WDR17: variants seen among roughly 807,000 people sequenced by gnomAD.
WDR17 encodes WD repeat domain 17.
A neutral mutation model predicts 161.7 loss-of-function variants in WDR17; 143 were observed. That is an observed-to-expected ratio of 0.88 (90% confidence interval 0.77 to 1.02). The LOEUF (loss-of-function observed/expected upper bound fraction) is 1.02, where lower values mean the gene tolerates loss of function less well. Among genes scored for constraint, WDR17 ranks in the 50% least tolerant of loss-of-function variants. The pLI is 0.00. For synonymous variants in WDR17, 517 were observed against 515.6 expected (o/e 1.00, Z -0.04); for missense variants, 1,469 against 1,520.9 (o/e 0.97, Z 0.57).
intron 16 of WDR17, 34 bp from the exon 17 acceptor site, chr4:176,151,778 A>AC: frequency 6.5e-7 from 1 of 1,533,618 alleles, no homozygotes; most frequent in Non-Finnish European, 8.7e-7. Flanking sequence ...AATATGTCAA[A>AC]TTTTTTTAAA....
intron 8 of WDR17, among the ~76,000 whole-genome samples, chr4:176,136,002 T>G (rs1393698186): frequency 6.6e-6 from 1 of 151,642 alleles, no homozygotes; most frequent in Non-Finnish European, 1.5e-5. Flanking sequence ...ACTTTGAATA[T>G]TTGGGCCTCC....
chr4:176,142,737 A>G (rs992843336), intron 11 of WDR17, among the ~76,000 whole-genome samples: 1 of 152,216 alleles, frequency 6.6e-6, no homozygotes, highest in African/African-American at 2.4e-5. Flanking sequence ...GAATTATGTT[A>G]TTTTGTATGA....
At chr4:176,167,666 A>AAAAAAAAAC in intron 22 of WDR17, among the ~76,000 whole-genome samples, 1 of 139,960 alleles carries the variant, frequency 7.1e-6, no homozygotes, top group African/African-American at 2.6e-5. Context: ...AAAAAAAAAA[A>AAAAAAAAAC]AAAAAACAAT....
At position 176,179,614 on chromosome 4, in the gene WDR17, T is replaced by TA. The variant is rs1435134717; in HGVS notation, c.*38dup. 1.3e-6 allele frequency: 2 copies of TA among 1,501,896 alleles called. No individual in the cohort carries two copies. The highest frequency in any genetic ancestry group is 2.4e-5 in the East Asian group (1 of 41,180). The allele number at this position is 1,501,896 out of a possible 1,614,324, so 93.0% of individuals were successfully genotyped here. On this transcript the variant is annotated 3_prime_UTR_variant, in exon 29 of 29. Transcript: ENST00000508596. ...TTTGTCCATGCTTGATTTTTTTTTT[T>TA]AAAGAAAAACTTTCATGGGTTAGCA... is the stretch of plus-strand genomic sequence containing the variant.
chr4:176,146,973 TCTC>T (rs1359907155), intron 12 of WDR17, among the ~76,000 whole-genome samples: 3 of 152,174 alleles, frequency 2.0e-5, no homozygotes, highest in South Asian at 4.2e-4. Flanking sequence ...TTCAAGCTAT[TCTC>T]CTGCTTCAGC....
In WDR17 at chr4:176,150,504, G is replaced by A. The variant is rs765661325; in HGVS notation, c.2215G>A (p.Ala739Thr). ...GGSDNLWNLV[A>T]VIKGQDDSLL... ...CAGTGACAATTTATGGAACTTGGTT[G>A]CTGTGATAAAAGGACAGGATGATAG... Residue 739 changes from alanine to threonine, a missense_variant, in exon 16 of 29, where the codon GCT becomes ACT. Ala to Thr is a moderately conservative substitution (Grantham distance 58, BLOSUM62 0). Transcript: ENST00000508596. The A allele has an allele frequency of 1.2e-6, 2 of 1,611,560 alleles. No individual in the cohort carries two copies. Among genetic ancestry groups the A allele is most frequent in the South Asian group, 2.2e-5 (2 of 90,196 alleles).
intron 11 of WDR17, among the ~76,000 whole-genome samples, chr4:176,143,369 T>C (rs1301027551): frequency 6.6e-6 from 1 of 152,114 alleles, no homozygotes; most frequent in African/African-American, 2.4e-5. Flanking sequence ...TTTCTCTGTC[T>C]AAATATTCAT....
chr4:176,156,149 G>A lies in WDR17; in HGVS notation c.2525+6G>A. 1 of 1,612,438 alleles carries A rather than the reference G, an allele frequency of 6.2e-7. No individual in the cohort carries two copies. The highest frequency in any genetic ancestry group is 8.5e-7 in the Non-Finnish European group (1 of 1,179,222). The stretch of plus-strand genomic sequence containing the variant: ...TGGAAGAAGTTAATGCAGAGGTAAG[G>A]CAGAGAGAGTCCGTGTTAAAACAGA... On this transcript the variant is annotated splice_donor_region_variant and intron_variant, in intron 18 of 28. Transcript: ENST00000508596.
At chr4:176,155,738 T>TATA (rs1554033773) in intron 17 of WDR17, among the ~76,000 whole-genome samples, 1 of 147,970 alleles carries the variant, frequency 6.8e-6, no homozygotes, top group African/African-American at 2.5e-5. Flanking sequence ...TATATATATG[T>TATA]TTTGGTAGAC....
intron 16 of WDR17, 90 bp downstream of exon 16, chr4:176,150,683 A>C: frequency 7.7e-7 from 1 of 1,297,772 alleles, no homozygotes; most frequent in Non-Finnish European, 1.0e-6. Flanking sequence ...AATATATATG[A>C]TTAGATCGGT....
chr4:176,079,122 C>G (rs960997770), intron 1 of WDR17, among the ~76,000 whole-genome samples: 6 of 152,146 alleles, frequency 3.9e-5, no homozygotes, highest in Non-Finnish European at 8.8e-5. Context: ...TGAGAACATA[C>G]AGTATTTACC....
chr4:176,121,634 T>G (rs1436978179), intron 4 of WDR17, among the ~76,000 whole-genome samples: 1 of 152,202 alleles, frequency 6.6e-6, no homozygotes, highest in African/African-American at 2.4e-5. Context: ...TTTTACCCTC[T>G]CCTTTATCAT....
Position 176,096,196 on chromosome 4 carries a change from C to T in WDR17, c.-6-15379C>T, listed in dbSNP as rs1736829058. On this transcript the variant is annotated intron_variant, in intron 1 of 28. Transcript: ENST00000508596. ...TTTTAACTTGGTAACTTTTAGAAAT[C>T]ATTGACCTGTTTCTTATAAAAGTTA... Among the ~76,000 whole-genome samples the T allele has an allele frequency of 2.0e-5, 3 of 152,100 alleles. No individual in the cohort carries two copies. The South Asian group carries it at 6.2e-4, about 32-fold the overall frequency.
At chr4:176,104,952 T>A (rs992249764) in intron 1 of WDR17, among the ~76,000 whole-genome samples, 5 of 151,754 alleles carry the variant, frequency 3.3e-5, no homozygotes, top group African/African-American at 1.2e-4. Context: ...AGAATTAATT[T>A]AAAAAAAGAT....
At chr4:176,143,572 G>C (rs187272086) in intron 11 of WDR17, among the ~76,000 whole-genome samples, 1 of 152,142 alleles carries the variant, frequency 6.6e-6, no homozygotes, top group Admixed American at 6.5e-5. Context: ...ACAGCTCCTC[G>C]GGAGGCTGAG....
chr4:176,097,265 A>G (rs767472662), intron 1 of WDR17, among the ~76,000 whole-genome samples: 1 of 151,968 alleles, frequency 6.6e-6, no homozygotes, highest in Non-Finnish European at 1.5e-5. Context: ...GACAATTTGT[A>G]TATTTTTATT....
chr4:176,130,757 A>AC, intron 6 of WDR17, among the ~76,000 whole-genome samples: 1 of 152,070 alleles, frequency 6.6e-6, no homozygotes, highest in East Asian at 1.9e-4. Context: ...AAAAAAAAAA[A>AC]AAAAAACTGA....
intron 1 of WDR17, among the ~76,000 whole-genome samples, chr4:176,089,225 C>T (rs941837884): frequency 6.6e-5 from 10 of 151,100 alleles, no homozygotes; most frequent in Middle Eastern, 6.8e-3. Context: ...AATAAACGTA[C>T]TCCCTCAGGG....
intron 1 of WDR17, among the ~76,000 whole-genome samples, chr4:176,074,417 A>G (rs1308550521): frequency 6.6e-6 from 1 of 151,460 alleles, no homozygotes; most frequent in East Asian, 1.9e-4. Context: ...ACACATATAC[A>G]TATATATTTA....
Sources: allele counts gnomAD v4.1 joint callset (sites outside exome capture counted in the v4.1 genomes callset), GRCh38; gene constraint gnomAD v4.1.1; transcripts MANE v1.5; gene names NCBI Gene and HGNC (gene_info 2026-07-23, HGNC 2026-07-21).